PKHD1: variants seen among roughly 807,000 people sequenced by gnomAD.
PKHD1 encodes the protein fibrocystin.
A neutral mutation model predicts 412.0 loss-of-function variants in PKHD1; 291 were observed. The observed-to-expected ratio is 0.71, with a 90% CI of 0.64 to 0.78. PKHD1 has a LOEUF of 0.78. Among genes scored for constraint, PKHD1 ranks in the 30% least tolerant of loss-of-function variants. PKHD1 has a pLI of 0.00. For missense variants in PKHD1, 4,825 were observed against 4,950.7 expected, an observed-to-expected ratio of 0.97 and a Z score of 0.76; for synonymous variants, 1,777 against 1,821.5, an observed-to-expected ratio of 0.98 and a Z score of 0.62.
At chr6:52,007,230 T>G (rs1025821223) in intron 35 of PKHD1, among the ~76,000 whole-genome samples, 2 of 152,250 alleles carry the variant, frequency 1.3e-5, no homozygotes, top group African/African-American at 4.8e-5. Context: ...CTGGATCAAA[T>G]GGTAGTCTAC....
chr6:52,038,697 A>C (rs1804342005), intron 27 of PKHD1, among the ~76,000 whole-genome samples: 1 of 152,194 alleles, frequency 6.6e-6, no homozygotes, highest in Non-Finnish European at 1.5e-5. Flanking sequence ...CTAACAAACT[A>C]ATACAGACCC....
At chr6:52,057,958 G>C (rs1267548687) in intron 16 of PKHD1, among the ~76,000 whole-genome samples, 4 of 152,130 alleles carry the variant, frequency 2.6e-5, no homozygotes, top group Non-Finnish European at 5.9e-5. Flanking sequence ...CAGGCTATAG[G>C]GAAATAGGAC....
At chr6:51,715,883 T>C (rs1427533873) in intron 60 of PKHD1, among the ~76,000 whole-genome samples, 2 of 152,166 alleles carry the variant, frequency 1.3e-5, no homozygotes, top group East Asian at 3.8e-4. Context: ...AAGACAGTTA[T>C]ATCTGAGAAA....
At chr6:51,982,892 A>AAATAAAATAAAAATAAAAATAAAAAT (rs1795727505) in intron 35 of PKHD1, among the ~76,000 whole-genome samples, 6 of 140,424 alleles carry the variant, frequency 4.3e-5, no homozygotes, top group Non-Finnish European at 7.9e-5. Flanking sequence ...AAATAAAATA[A>AAATAAAATAAAAATAAAAATAAAAAT]AAAAAAGAGA....
rs550902015 is a variant in PKHD1, at chr6:52,064,882, T to C, written c.976+73A>G. The C allele has an allele frequency of 3.3e-5, 22 of 672,804 alleles. 1 individual carries two copies. Among genetic ancestry groups the C allele is most frequent in the Non-Finnish European group, 5.2e-5 (21 of 401,556 alleles). 41.7% of individuals were successfully genotyped at this position (672,804 alleles called of 1,614,324 possible). A position where few individuals can be genotyped will look rare whatever the true frequency, so the allele number is the denominator to read the frequency against. On this transcript the variant is annotated intron_variant, in intron 13 of 66. Coordinates refer to ENST00000371117, the MANE Select transcript of PKHD1 (RefSeq NM_138694.4). ...TAGATGAGAAAGAATTCAAACACTT[T>C]TATTTCTACTCGCCAGCCCATCATG...
Position 51,632,589 on chromosome 6 carries a change from A to G in PKHD1, c.11641T>C (p.Trp3881Arg), listed in dbSNP as rs1768057927. Reference protein sequence around the residue: ...WLALSCLVCCWLKRSKSRKTK... With the variant: ...WLALSCLVCCRLKRSKSRKTK... Reference sequence around the variant, plus strand: ...CTTCTGCTTTTGCTTCTTTTAAGCCAACAGCACACCAGACAGCTCAGAGCC... The same window carrying G: ...CTTCTGCTTTTGCTTCTTTTAAGCCGACAGCACACCAGACAGCTCAGAGCC... The change falls in exon 65 of 67, where the codon TGG becomes CGG. Residue 3881 changes from tryptophan (W) to arginine (R), a missense_variant. By Grantham distance (101) the Trp-to-Arg change is moderately radical. Transcript: ENST00000371117. 6.2e-7 allele frequency: 1 copy of G among 1,613,254 alleles called. No individual in the cohort carries two copies. The highest frequency in any genetic ancestry group is 1.3e-5 in the African/African-American group (1 of 74,842).
At chr6:51,898,060 T>C (rs1780446033) in intron 43 of PKHD1, among the ~76,000 whole-genome samples, 1 of 149,208 alleles carries the variant, frequency 6.7e-6, no homozygotes, top group Admixed American at 6.7e-5. Flanking sequence ...CACACATTAA[T>C]AATGGGAGAC....
chr6:51,987,687 A>C (rs72897911), intron 35 of PKHD1, among the ~76,000 whole-genome samples: 8,281 of 152,216 alleles, frequency 0.054, 299 homozygotes, highest in East Asian at 0.14. Context: ...AGGTGAGCCC[A>C]ATCAGTTTTG....
In PKHD1 at chr6:52,025,473, C is replaced by G. The variant is rs1274800892; in HGVS notation, c.4337G>C (p.Ser1446Thr). 1 of 1,611,120 alleles carries G rather than the reference C, an allele frequency of 6.2e-7. No homozygotes were observed. Among genetic ancestry groups the G allele is most frequent in the Admixed American group, 1.7e-5 (1 of 59,894 alleles). Residue 1446 changes from serine to threonine, a missense_variant, in exon 32 of 67, where the codon AGC becomes ACC. Physicochemically the swap from Ser to Thr is moderately conservative, Grantham distance 58. Coordinates refer to ENST00000371117, the MANE Select transcript of PKHD1 (RefSeq NM_138694.4). ...LGDHTILCQV[S>T]LEGDPLPGAS... ...TCCAGGCAAGGGGTCACCCTCCAGG[C>G]TAACCTGGCAGAGAATGGTGTGGTC... is the stretch of plus-strand genomic sequence containing the variant.
intron 52 of PKHD1, among the ~76,000 whole-genome samples, chr6:51,808,931 G>C (rs1409207675): frequency 6.6e-6 from 1 of 151,988 alleles, no homozygotes; most frequent in African/African-American, 2.4e-5. Context: ...TTGCCACTTT[G>C]CTGGTCCATA....
chr6:52,055,405 G>C (rs558096944), intron 19 of PKHD1, among the ~76,000 whole-genome samples, 182 bp downstream of exon 19: 18 of 152,332 alleles, frequency 1.2e-4, no homozygotes, highest in African/African-American at 4.3e-4. Flanking sequence ...ACACACAAGT[G>C]GGGGCCAGTG....
intron 60 of PKHD1, among the ~76,000 whole-genome samples, chr6:51,698,394 T>C (rs1032067507): frequency 6.6e-6 from 1 of 152,120 alleles, no homozygotes; most frequent in Admixed American, 6.5e-5. Flanking sequence ...TAGTTATGAT[T>C]ATCATCAGCA....
chr6:51,938,776 C>T (rs972975393), intron 36 of PKHD1, among the ~76,000 whole-genome samples: 3 of 151,586 alleles, frequency 2.0e-5, no homozygotes, highest in Non-Finnish European at 4.4e-5. Context: ...GAAAGATCCA[C>T]CTATGACTTC....
chr6:51,887,324 C>T (rs1312313250), intron 43 of PKHD1, 79 bp from the exon 44 acceptor site: 2 of 859,344 alleles, frequency 2.3e-6, no homozygotes, highest in East Asian at 2.5e-5. Context: ...CTTGTTTGTA[C>T]TCATCCCAAT....
chr6:51,765,040 G>A (rs1788747220), intron 55 of PKHD1, among the ~76,000 whole-genome samples: 1 of 151,878 alleles, frequency 6.6e-6, no homozygotes, highest in Non-Finnish European at 1.5e-5. Context: ...TCTACTCTTG[G>A]TGTCTCCAAC....
intron 58 of PKHD1, among the ~76,000 whole-genome samples, 154 bp downstream of exon 58, chr6:51,747,632 AT>A (rs1421044113): frequency 6.6e-6 from 1 of 152,218 alleles, no homozygotes; most frequent in Non-Finnish European, 1.5e-5. Flanking sequence ...GTAAGAAATT[AT>A]AAACTACCAT....
At position 52,024,592 on chromosome 6, in the gene PKHD1, C is replaced by T. The variant is rs762972952; in HGVS notation, c.5218G>A (p.Ala1740Thr). 4.2e-5 allele frequency: 68 copies of T among 1,613,964 alleles called. No individual in the cohort carries two copies. Among genetic ancestry groups the T allele is most frequent in the Admixed American group, 3.8e-4 (23 of 60,000 alleles). Reference sequence around the variant, plus strand: ...GACTTACCGAAGTTCTCCGTCACTGCTGTAATAATAACTCTTGAGGTGAAC... The same window carrying T: ...GACTTACCGAAGTTCTCCGTCACTGTTGTAATAATAACTCTTGAGGTGAAC... The part of the protein sequence containing the change: ...LVFTSRVIIT[A>T]VTENFGCLGG... The change falls in exon 32 of 67, where the codon GCA becomes ACA. Residue 1740 changes from alanine to threonine, a missense_variant. Physicochemically the swap from Ala to Thr is moderately conservative, Grantham distance 58. Coordinates refer to ENST00000371117, the MANE Select transcript of PKHD1 (RefSeq NM_138694.4).
At position 51,941,721 on chromosome 6, in the gene PKHD1, T is replaced by C. The variant is rs370569736; in HGVS notation, c.5909-7399A>G. The stretch of plus-strand genomic sequence containing the variant: ...AACCCATATACTCTCCTATCCTCAA[T>C]ACCTCCCTCCACAACCCATTATTCT... On this transcript the variant is annotated intron_variant, in intron 36 of 66. Transcript: ENST00000371117. Among the ~76,000 whole-genome samples, 75 of 151,724 alleles carry C rather than the reference T, an allele frequency of 4.9e-4. No homozygotes were observed. In the East Asian group the frequency reaches 0.011, roughly 22 times the overall value.
chr6:51,645,463 G>A (rs1002594025), intron 63 of PKHD1, among the ~76,000 whole-genome samples: 2 of 152,066 alleles, frequency 1.3e-5, no homozygotes, highest in Admixed American at 6.6e-5. Context: ...CGCCATCTTG[G>A]CTCACCGCAA....
Sources: allele counts gnomAD v4.1 joint callset (sites outside exome capture counted in the v4.1 genomes callset), GRCh38; gene constraint gnomAD v4.1.1; transcripts MANE v1.5; gene names NCBI Gene and HGNC (gene_info 2026-07-23, HGNC 2026-07-21).